NELL1: variants seen among roughly 807,000 people sequenced by gnomAD.
NELL1 encodes neural EGFL like 1.
In NELL1, 76 loss-of-function variants were observed where a neutral mutation model predicts 107.4. The observed-to-expected ratio is 0.71, with a 90% CI of 0.59 to 0.86. NELL1 has a LOEUF of 0.86. Among genes scored for constraint, NELL1 ranks in the 40% least tolerant of loss-of-function variants. The pLI is 0.00. For missense variants in NELL1, 1,024 were observed against 1,005.5 expected, an observed-to-expected ratio of 1.02 and a Z score of -0.25; for synonymous variants, 353 against 341.2, an observed-to-expected ratio of 1.03 and a Z score of -0.38.
chr11:21,126,421 A>G (rs1021856431), intron 13 of NELL1, among the ~76,000 whole-genome samples: 2 of 152,220 alleles, frequency 1.3e-5, no homozygotes, highest in African/African-American at 4.8e-5. Context: ...AGCCATTGTT[A>G]GAAAGAAAGA....
At position 20,774,342 on chromosome 11, in the gene NELL1, C is replaced by T. The variant is rs571448427; in HGVS notation, c.185-9338C>T. Among the ~76,000 whole-genome samples the T allele has an allele frequency of 3.1e-4, 45 of 144,434 alleles. 1 individual carries two copies. In the East Asian group the frequency reaches 7.3e-3, roughly 24 times the overall value. The allele number at this position is 144,434 out of a possible 152,430, so 94.8% of individuals were successfully genotyped here. A position where few individuals can be genotyped will look rare whatever the true frequency, so the allele number is the denominator to read the frequency against. On this transcript the variant is annotated intron_variant, in intron 2 of 19. Transcript: ENST00000357134. ...CCTTTCTTTTTTTCTTTCCTTCTCTCCTCTCTCTCCTTTCTTTCTCTCTCT... is the reference window on the plus strand; with the variant it reads ...CCTTTCTTTTTTTCTTTCCTTCTCTTCTCTCTCTCCTTTCTTTCTCTCTCT...
intron 17 of NELL1, among the ~76,000 whole-genome samples, chr11:21,566,017 G>T (rs1020597693): frequency 1.2e-4 from 18 of 151,890 alleles, no homozygotes; most frequent in Non-Finnish European, 2.5e-4. Context: ...TCTTTAAAGA[G>T]TCATGTTGTA....
At chr11:21,137,768 C>T (rs1407042856) in intron 13 of NELL1, among the ~76,000 whole-genome samples, 1 of 152,162 alleles carries the variant, frequency 6.6e-6, no homozygotes, top group South Asian at 2.1e-4. Flanking sequence ...GAAACATTTT[C>T]TTCTTAGGCT....
At chr11:20,701,250 T>C (rs956630510) in intron 2 of NELL1, among the ~76,000 whole-genome samples, 2 of 152,206 alleles carry the variant, frequency 1.3e-5, no homozygotes, top group African/African-American at 4.8e-5. Flanking sequence ...TGCATTTCTC[T>C]GATGCTCAGT....
rs74792739 is a variant in NELL1, at chr11:21,534,918, C to A, written c.1786+404C>A. On this transcript the variant is annotated intron_variant, in intron 16 of 19. Transcript: ENST00000357134. ...TAAGAAAGTTTAGTTTGAATCTCAT[C>A]TCTTATACTGCAAGAGTCACTATAG... Among the ~76,000 whole-genome samples, 615 of 152,232 alleles carry A rather than the reference C, an allele frequency of 4.0e-3. 4 individuals carry two copies. The highest frequency in any genetic ancestry group is 0.013 in the African/African-American group (525 of 41,534).
intron 14 of NELL1, among the ~76,000 whole-genome samples, chr11:21,319,446 TTC>T: frequency 6.7e-6 from 1 of 149,802 alleles, no homozygotes; most frequent in Non-Finnish European, 1.5e-5. Flanking sequence ...TGCCTTGACC[TTC>T]CAAAGTGCTG....
intron 2 of NELL1, among the ~76,000 whole-genome samples, chr11:20,723,682 G>A (rs1471718219): frequency 6.6e-6 from 1 of 152,130 alleles, no homozygotes; most frequent in Admixed American, 6.5e-5. Context: ...TCTAGAGAAT[G>A]GTGGCCCTCT....
In NELL1 at chr11:21,237,938, C is replaced by CTAA. The variant is rs370933776; in HGVS notation, c.1549+8486_1549+8488dup. 1.7e-4 allele frequency among the ~76,000 whole-genome samples: 26 copies of CTAA among 152,140 alleles called. 1 individual carries two copies. Among genetic ancestry groups the CTAA allele is most frequent in the African/African-American group, 6.0e-4 (25 of 41,534 alleles). On this transcript the variant is annotated intron_variant, in intron 14 of 19. Coordinates refer to ENST00000357134, the MANE Select transcript of NELL1 (RefSeq NM_006157.5). ...AACAGCTTTAAATACCATCTATATGCTAATGACTACTAAATTTATATCTTC... is the reference window on the plus strand; with the variant it reads ...AACAGCTTTAAATACCATCTATATGCTAATAATGACTACTAAATTTATATCTTC...
intron 13 of NELL1, among the ~76,000 whole-genome samples, chr11:21,213,376 G>A (rs1463311279): frequency 6.6e-6 from 1 of 152,056 alleles, no homozygotes; most frequent in Non-Finnish European, 1.5e-5. Context: ...GGGTAGAAGT[G>A]CAAAAGAACT....
At chr11:20,877,218 T>C (rs1381448222) in intron 4 of NELL1, among the ~76,000 whole-genome samples, 1 of 152,172 alleles carries the variant, frequency 6.6e-6, no homozygotes, top group Non-Finnish European at 1.5e-5. Context: ...CTAAGGAAGG[T>C]CATTCCAACT....
chr11:21,521,990 C>A (rs1855736735), intron 15 of NELL1, among the ~76,000 whole-genome samples: 1 of 152,072 alleles, frequency 6.6e-6, no homozygotes, highest in Non-Finnish European at 1.5e-5. Context: ...CTTATAAATT[C>A]CGGATATTCG....
chr11:20,751,226 T>C (rs142501083), intron 2 of NELL1, among the ~76,000 whole-genome samples: 2 of 152,294 alleles, frequency 1.3e-5, no homozygotes, highest in African/African-American at 2.4e-5. Context: ...CATTTTAATT[T>C]ACATTTTAAA....
At chr11:20,764,264 A>G (rs1383117504) in intron 2 of NELL1, among the ~76,000 whole-genome samples, 2 of 152,238 alleles carry the variant, frequency 1.3e-5, no homozygotes, top group African/African-American at 2.4e-5. Flanking sequence ...GGCAATTGGT[A>G]TAATTATGTA....
At chr11:21,113,467 T>C (rs1054377306) in intron 12 of NELL1, 122 bp from the exon 13 acceptor site, 1 of 951,666 alleles carries the variant, frequency 1.1e-6, no homozygotes, top group African/African-American at 1.7e-5. Context: ...TTGTGTTTAA[T>C]GCATGTTACT....
At chr11:20,785,337 G>A (rs1392273860) in intron 3 of NELL1, among the ~76,000 whole-genome samples, 5 of 152,254 alleles carry the variant, frequency 3.3e-5, no homozygotes, top group African/African-American at 4.8e-5. Flanking sequence ...TCAGCCCAGA[G>A]AAAGCAAGGT....
rs944127025 is a variant in NELL1, at chr11:21,374,259, T to A, written c.1645+3311T>A. 7.2e-5 allele frequency among the ~76,000 whole-genome samples: 11 copies of A among 151,982 alleles called. No homozygotes were observed. In the East Asian group the frequency reaches 2.1e-3, roughly 29 times the overall value. ...GAAATTTGAGAGCAGCTTAGCTGAG[T>A]GGTTCTAGCTCAGGGACTTTTATGA... is the stretch of plus-strand genomic sequence containing the variant. On this transcript the variant is annotated intron_variant, in intron 15 of 19. Coordinates refer to ENST00000357134, the MANE Select transcript of NELL1 (RefSeq NM_006157.5).
intron 13 of NELL1, among the ~76,000 whole-genome samples, chr11:21,171,210 G>A (rs1478176790): frequency 6.6e-6 from 1 of 151,624 alleles, no homozygotes; most frequent in Non-Finnish European, 1.5e-5. Context: ...TCCTAACAAA[G>A]GGTACCCATT....
At chr11:21,025,611 G>A (rs1055880839) in intron 12 of NELL1, among the ~76,000 whole-genome samples, 1 of 151,982 alleles carries the variant, frequency 6.6e-6, no homozygotes, top group African/African-American at 2.4e-5. Context: ...ACATTAAAAT[G>A]TCCCAGGACT....
At chr11:20,702,580 CTT>C (rs1284568501) in intron 2 of NELL1, among the ~76,000 whole-genome samples, 42 of 152,222 alleles carry the variant, frequency 2.8e-4, no homozygotes, top group African/African-American at 9.6e-4. Flanking sequence ...GCATCCCTCT[CTT>C]GTGCCAGTTT....
Sources: gnomAD v4.1 joint callset for allele counts (sites outside exome capture counted in the v4.1 genomes callset) on GRCh38, gnomAD v4.1.1 for gene constraint, MANE v1.5 for transcripts, NCBI Gene and HGNC (gene_info 2026-07-23, HGNC 2026-07-21) for gene names.